IQSEC3: variants seen among roughly 807,000 people sequenced by gnomAD.
IQSEC3 encodes IQ motif and SEC7 domain-containing protein 3.
Under a neutral mutation model 105.4 loss-of-function variants are expected in IQSEC3, and 50 were observed. The ratio of observed to expected loss-of-function variants is 0.47; its 90% CI spans 0.38 to 0.60. The LOEUF (loss-of-function observed/expected upper bound fraction) is 0.60. Among genes scored for constraint, IQSEC3 ranks in the 20% least tolerant of loss-of-function variants. The pLI is 0.00. For missense variants in IQSEC3, 1,415 were observed against 1,630.0 expected, an observed-to-expected ratio of 0.87 and a Z score of 2.27; for synonymous variants, 708 against 746.0, an observed-to-expected ratio of 0.95 and a Z score of 0.83.
intron 5 of IQSEC3, among the ~76,000 whole-genome samples, chr12:145,348 C>T (rs782179798): frequency 3.3e-5 from 5 of 152,156 alleles, no homozygotes; most frequent in African/African-American, 7.2e-5. Flanking sequence ...GATCAAAGCT[C>T]GCTGCAACTT....
chr12:89,350 G>A (rs961225915), intron 1 of IQSEC3, among the ~76,000 whole-genome samples: 4 of 152,180 alleles, frequency 2.6e-5, no homozygotes, highest in South Asian at 2.1e-4. Context: ...GGGGCAATGG[G>A]TGGAGGGAAA....
intron 1 of IQSEC3, among the ~76,000 whole-genome samples, chr12:80,286 CG>C (rs1481559669): frequency 1.3e-5 from 2 of 152,150 alleles, no homozygotes; most frequent in Admixed American, 6.5e-5. Flanking sequence ...TTTTGCTCCC[CG>C]GGGCTCCCTT....
chr12:175,041 C>G lies in IQSEC3; in HGVS notation c.*8C>G, dbSNP rs775873640. The G allele has an allele frequency of 5.3e-6, 8 of 1,513,056 alleles. No homozygotes were observed. In the East Asian group the frequency reaches 1.7e-4, roughly 31 times the overall value. 93.7% of individuals were successfully genotyped at this position (1,513,056 alleles called of 1,614,324 possible). On this transcript the variant is annotated 3_prime_UTR_variant, in exon 14 of 14. Coordinates refer to ENST00000538872, the MANE Select transcript of IQSEC3 (RefSeq NM_001170738.2). Reference sequence around the variant, plus strand: ...TCAAGGAGCCTGGTGTAGACTCTGCCCCACCACCCTGCTGTCCTGGGAGGG... The same window carrying G: ...TCAAGGAGCCTGGTGTAGACTCTGCGCCACCACCCTGCTGTCCTGGGAGGG...
Position 139,340 on chromosome 12 carries a change from C to A in IQSEC3, c.1977C>A (p.Leu659=). The A allele has an allele frequency of 6.4e-7, 1 of 1,570,232 alleles. No individual in the cohort carries two copies. ...GCAAGCGGCTCTACCGCATCGGCCT[C>A]AACCTCTTCAACATGTAAGTCAGCC... ...TLRKRLYRIG[L]NLFNINPDKG... is the part of the protein sequence containing the mutation. The change falls in exon 4 of 14, where the codon CTC becomes CTA. Residue 659 remains leucine, a synonymous_variant. Coordinates refer to ENST00000538872, the MANE Select transcript of IQSEC3 (RefSeq NM_001170738.2).
chr12:137,207 GA>G (rs782181860), intron 3 of IQSEC3, among the ~76,000 whole-genome samples: 9 of 152,276 alleles, frequency 5.9e-5, no homozygotes, highest in Admixed American at 1.3e-4. Flanking sequence ...TATGTACTGG[GA>G]ACACACAGAT....
At chr12:135,656 G>A (rs1423834500) in intron 3 of IQSEC3, among the ~76,000 whole-genome samples, 1 of 152,202 alleles carries the variant, frequency 6.6e-6, no homozygotes, top group Admixed American at 6.5e-5. Flanking sequence ...GAGCTAATCA[G>A]GTCAGCCCTA....
intron 2 of IQSEC3, among the ~76,000 whole-genome samples, chr12:103,196 T>C (rs1864485948): frequency 6.6e-6 from 1 of 151,664 alleles, no homozygotes; most frequent in African/African-American, 2.4e-5. Context: ...TTTCAGGCTC[T>C]CAGTGACAAT....
At chr12:76,695 T>C (rs1591628156) in intron 1 of IQSEC3, among the ~76,000 whole-genome samples, 1 of 152,378 alleles carries the variant, frequency 6.6e-6, no homozygotes, top group Non-Finnish European at 1.5e-5. Context: ...CGTGAGCTCC[T>C]GGGAAGAAGG....
intron 1 of IQSEC3, among the ~76,000 whole-genome samples, chr12:90,554 T>C (rs1458763986): frequency 6.6e-6 from 1 of 152,036 alleles, no homozygotes; most frequent in African/African-American, 2.4e-5. Context: ...GGATATCCAG[T>C]TGTTTCAGCA....
chr12:134,182 G>C (rs1865683836), intron 3 of IQSEC3, among the ~76,000 whole-genome samples: 1 of 152,190 alleles, frequency 6.6e-6, no homozygotes, highest in African/African-American at 2.4e-5. Context: ...TATAACTTTG[G>C]AATTAATTTG....
intron 2 of IQSEC3, among the ~76,000 whole-genome samples, chr12:116,990 C>T (rs1865070832): frequency 6.6e-6 from 1 of 152,130 alleles, no homozygotes; most frequent in Admixed American, 6.5e-5. Flanking sequence ...TATGTTTCAT[C>T]TCTGTGTTAC....
intron 1 of IQSEC3, among the ~76,000 whole-genome samples, chr12:90,081 G>T (rs184258620): frequency 6.6e-6 from 1 of 152,206 alleles, no homozygotes; most frequent in Non-Finnish European, 1.5e-5. Context: ...GTCAACACTC[G>T]GTTTTGTCAG....
intron 1 of IQSEC3, among the ~76,000 whole-genome samples, chr12:75,647 T>C (rs1863489545): frequency 1.3e-5 from 2 of 152,366 alleles, no homozygotes; most frequent in South Asian, 4.1e-4. Context: ...GAGGTTGGTG[T>C]CGCACGAGCC....
chr12:125,027 GC>G (rs1162573811), intron 2 of IQSEC3, among the ~76,000 whole-genome samples: 3 of 152,162 alleles, frequency 2.0e-5, no homozygotes, highest in Non-Finnish European at 4.4e-5. Context: ...AAAGGCTTAT[GC>G]CCAAGCCAGG....
chr12:68,816 A>G (rs1175139150), intron 1 of IQSEC3, among the ~76,000 whole-genome samples: 1 of 152,248 alleles, frequency 6.6e-6, no homozygotes, highest in Non-Finnish European at 1.5e-5. Flanking sequence ...AGGGCAGGGT[A>G]GCTCACAGAG....
In IQSEC3 at chr12:134,914, A is replaced by G. The variant is rs553299634; in HGVS notation, c.904-3353A>G. Among the ~76,000 whole-genome samples, 243 of 150,962 alleles carry G rather than the reference A, an allele frequency of 1.6e-3. 1 individual carries two copies. Among genetic ancestry groups the G allele is most frequent in the Non-Finnish European group, 3.1e-3 (208 of 67,622 alleles). ...GCCAAGGTGGGCGGATCACCAAGGC[A>G]CCAGGAGTTCAAGTCCAGCCTGGCA... is the stretch of plus-strand genomic sequence containing the variant. On this transcript the variant is annotated intron_variant, in intron 3 of 13. Coordinates refer to ENST00000538872, the MANE Select transcript of IQSEC3 (RefSeq NM_001170738.2).
At chr12:112,326 G>A (rs1259860705) in intron 2 of IQSEC3, among the ~76,000 whole-genome samples, 8 of 151,994 alleles carry the variant, frequency 5.3e-5, no homozygotes, top group Admixed American at 3.9e-4. Context: ...GGAAGTGGGG[G>A]AGGCCGAGAA....
intron 1 of IQSEC3, among the ~76,000 whole-genome samples, chr12:82,013 T>G (rs782016431): frequency 6.6e-6 from 1 of 152,082 alleles, no homozygotes; most frequent in Non-Finnish European, 1.5e-5. Context: ...TTTGGAGGCT[T>G]GATTAGTGGG....
At chr12:91,119 AG>A (rs1250919488) in intron 1 of IQSEC3, among the ~76,000 whole-genome samples, 1 of 152,018 alleles carries the variant, frequency 6.6e-6, no homozygotes, top group Non-Finnish European at 1.5e-5. Context: ...TGGTGAAGGG[AG>A]GGGGATCCTC....
Sources: gnomAD v4.1 joint callset for allele counts (sites outside exome capture counted in the v4.1 genomes callset) on GRCh38, gnomAD v4.1.1 for gene constraint, MANE v1.5 for transcripts, NCBI Gene and HGNC (gene_info 2026-07-23, HGNC 2026-07-21) for gene names.